Variants in FBXO10 observed in about 807,000 individuals in gnomAD.
The protein encoded by FBXO10 is F-box only protein 10.
Under a neutral mutation model 80.7 loss-of-function variants are expected in FBXO10, and 39 were observed. The observed-to-expected ratio is 0.48, with a 90% CI of 0.37 to 0.63. The LOEUF is 0.63. Among genes scored for constraint, FBXO10 ranks in the 30% least tolerant of loss-of-function variants. The pLI is 0.00. For missense variants in FBXO10, 1,025 were observed against 1,269.0 expected (o/e 0.81, Z 2.92); for synonymous variants, 449 against 489.6 (o/e 0.92, Z 1.09).
At chr9:37,514,567 G>A (rs1280102805) in intron 10 of FBXO10, among the ~76,000 whole-genome samples, 2 of 152,070 alleles carry the variant, frequency 1.3e-5, no homozygotes, top group Admixed American at 1.3e-4. Context: ...GAGGCGCGGT[G>A]GCTCACACCT....
chr9:37,558,944 G>A (rs1742820812), intron 1 of FBXO10, among the ~76,000 whole-genome samples: 1 of 151,880 alleles, frequency 6.6e-6, no homozygotes, highest in South Asian at 2.1e-4. Context: ...CCGAGTAGCT[G>A]CGATTACAGA....
At chr9:37,515,008 G>A (rs1821149368) in intron 10 of FBXO10, 1 of 152,148 alleles carries the variant, frequency 6.6e-6, no homozygotes, top group African/African-American at 2.4e-5. Flanking sequence ...CTCTCACTTA[G>A]AAAGATTAAC....
intron 1 of FBXO10, among the ~76,000 whole-genome samples, chr9:37,557,168 G>T (rs1237108008): frequency 6.6e-6 from 1 of 152,206 alleles, no homozygotes; most frequent in East Asian, 1.9e-4. Context: ...TTCAGGCAAT[G>T]ATGCCAATAA....
intron 9 of FBXO10, among the ~76,000 whole-genome samples, chr9:37,517,787 T>C (rs1400411452): frequency 6.6e-6 from 1 of 152,156 alleles, no homozygotes; most frequent in African/African-American, 2.4e-5. Flanking sequence ...GCACTGTGCA[T>C]GATTATTCTG....
At position 37,576,237 on chromosome 9, in the gene FBXO10, G is replaced by A. The variant is rs867775263; in HGVS notation, c.-33C>T. Reference sequence around the variant, plus strand: ...TCACAGGGCGCTCGCCCACCGCGGAGTCCGGGCCGCGGCCGCCGGTGCCCT... The same window carrying A: ...TCACAGGGCGCTCGCCCACCGCGGAATCCGGGCCGCGGCCGCCGGTGCCCT... On this transcript the variant is annotated 5_prime_UTR_variant, in exon 1 of 11. Transcript: ENST00000432825. 1 of 152,180 alleles carries A rather than the reference G, an allele frequency of 6.6e-6. No homozygotes were observed. Among genetic ancestry groups the A allele is most frequent in the Non-Finnish European group, 1.5e-5 (1 of 68,062 alleles). The allele number at this position is 152,180 out of a possible 1,614,324, so 9.4% of individuals were successfully genotyped here.
At chr9:37,558,333 A>G (rs921467163) in intron 1 of FBXO10, among the ~76,000 whole-genome samples, 1 of 152,154 alleles carries the variant, frequency 6.6e-6, no homozygotes, top group Non-Finnish European at 1.5e-5. Context: ...AGGGACTTGG[A>G]ATAAGAGAGA....
intron 1 of FBXO10, among the ~76,000 whole-genome samples, chr9:37,550,762 A>G (rs7851820): frequency 1 from 152,282 of 152,288 alleles, 76,138 homozygotes; most frequent in Middle Eastern, 1. Context: ...TATAGGCACC[A>G]CACCCAGCCT....
intron 1 of FBXO10, among the ~76,000 whole-genome samples, chr9:37,552,640 C>T (rs1822229720): frequency 6.8e-6 from 1 of 147,648 alleles, no homozygotes; most frequent in Non-Finnish European, 1.5e-5. Context: ...GGCAGTGAGC[C>T]GAGATTGCGC....
intron 4 of FBXO10, among the ~76,000 whole-genome samples, chr9:37,529,724 G>T (rs1821568733): frequency 1.3e-5 from 2 of 152,196 alleles, no homozygotes; most frequent in Admixed American, 6.5e-5. Context: ...TTGACTTCTA[G>T]TCCTTTCTCA....
At chr9:37,569,741 C>A (rs1421180037) in intron 1 of FBXO10, among the ~76,000 whole-genome samples, 1 of 152,162 alleles carries the variant, frequency 6.6e-6, no homozygotes, top group Admixed American at 6.5e-5. Flanking sequence ...GAGACTGAAG[C>A]AGGAGGATTG....
At chr9:37,553,891 G>A (rs1328991896) in intron 1 of FBXO10, among the ~76,000 whole-genome samples, 3 of 139,082 alleles carry the variant, frequency 2.2e-5, no homozygotes, top group East Asian at 2.0e-4. Context: ...ACTCCAGCCC[G>A]GGCAAAAAGA....
intron 5 of FBXO10, 67 bp from the exon 6 acceptor site, chr9:37,525,239 T>G: frequency 7.0e-7 from 1 of 1,427,874 alleles, no homozygotes; most frequent in South Asian, 1.2e-5. Flanking sequence ...TCCAGGAGAC[T>G]GCCTTCTTTC....
chr9:37,515,845 T>C (rs1463542589), intron 10 of FBXO10, 59 bp downstream of exon 10: 5 of 1,554,296 alleles, frequency 3.2e-6, no homozygotes, highest in Admixed American at 1.8e-5. Context: ...TGGGCCTGGC[T>C]TCTTCAGGGA....
intron 2 of FBXO10, among the ~76,000 whole-genome samples, chr9:37,538,680 C>G (rs1001286047): frequency 3.4e-5 from 5 of 146,442 alleles, no homozygotes; most frequent in Admixed American, 6.7e-5. Context: ...TACACTCCAG[C>G]CTGGGCGAAA....
At chr9:37,530,181 A>G (rs1821582579) in intron 4 of FBXO10, among the ~76,000 whole-genome samples, 1 of 152,224 alleles carries the variant, frequency 6.6e-6, no homozygotes, top group Admixed American at 6.5e-5. Flanking sequence ...GTCCAATTCT[A>G]TACTTTGTAA....
In FBXO10 at chr9:37,518,294, C is replaced by T; in HGVS notation, c.2345G>A (p.Ser782Asn). ...GCACTGGGCCTCAACCTTGACCCCA[C>T]TTTGCCGGTTGCAGGAGATGCTGTT... ...ANNSISCNRQSGVKVEAQCKV... is the reference protein window; with the variant it reads ...ANNSISCNRQNGVKVEAQCKV... The change falls in exon 9 of 11, where the codon AGT (serine) becomes AAT (asparagine). Residue 782 changes from serine (S) to asparagine (N), a missense_variant. Ser to Asn is a conservative substitution (Grantham distance 46, BLOSUM62 1). Coordinates refer to ENST00000432825, the MANE Select transcript of FBXO10 (RefSeq NM_012166.3). The T allele has an allele frequency of 6.2e-7, 1 of 1,614,098 alleles. No individual in the cohort carries two copies. The highest frequency in any genetic ancestry group is 1.1e-5 in the South Asian group (1 of 91,090).
chr9:37,546,475 C>T (rs1313002360), intron 1 of FBXO10, among the ~76,000 whole-genome samples: 1 of 152,144 alleles, frequency 6.6e-6, no homozygotes, highest in Non-Finnish European at 1.5e-5. Flanking sequence ...TTCTAATTTT[C>T]CACTTAACTT....
intron 3 of FBXO10, among the ~76,000 whole-genome samples, chr9:37,532,370 G>A (rs1035722449): frequency 6.8e-6 from 1 of 148,090 alleles, no homozygotes; most frequent in Non-Finnish European, 1.5e-5. Context: ...GCATGATCTC[G>A]GCTTACTGCA....
chr9:37,516,740 T>G (rs1588819707), intron 9 of FBXO10, among the ~76,000 whole-genome samples: 1 of 151,898 alleles, frequency 6.6e-6, no homozygotes, highest in Non-Finnish European at 1.5e-5. Context: ...CTGAGGCAGG[T>G]GGATCGATCA....
Sources: gnomAD v4.1 joint callset for allele counts (sites outside exome capture counted in the v4.1 genomes callset) on GRCh38, gnomAD v4.1.1 for gene constraint, MANE v1.5 for transcripts, NCBI Gene and HGNC (gene_info 2026-07-23, HGNC 2026-07-21) for gene names.